Variants in DNMT3A observed in about 807,000 individuals in gnomAD.
DNMT3A encodes the protein DNA methyltransferase 3 alpha.
A neutral mutation model predicts 117.6 loss-of-function variants in DNMT3A; 267 were observed. That is an observed-to-expected ratio of 2.27 (90% CI 2.05 to 2.51). The LOEUF (loss-of-function observed/expected upper bound fraction) is 2.51, where lower values mean the gene tolerates loss of function less well. DNMT3A is among the 30% of genes most tolerant of loss of function. DNMT3A has a pLI of 0.00. For synonymous variants in DNMT3A, 432 were observed against 474.8 expected (o/e 0.91, Z 1.17); for missense variants, 1,029 against 1,260.2 (o/e 0.82, Z 2.78).
At chr2:25,244,093 A>G in intron 15 of DNMT3A, 62 bp downstream of exon 15, 1 of 1,609,688 alleles carries the variant, frequency 6.2e-7, no homozygotes, top group Non-Finnish European at 8.5e-7. Flanking sequence ...CGCACAGCTC[A>G]GGCCCCACAA....
chr2:25,279,847 C>T (rs948209861), intron 4 of DNMT3A, among the ~76,000 whole-genome samples: 2 of 151,966 alleles, frequency 1.3e-5, no homozygotes, highest in Admixed American at 6.6e-5. Flanking sequence ...CCACCAAGCT[C>T]GACTAATTTT....
chr2:25,289,166 G>A (rs1290201587), intron 3 of DNMT3A, among the ~76,000 whole-genome samples: 5 of 150,930 alleles, frequency 3.3e-5, no homozygotes, highest in Non-Finnish European at 5.9e-5. Flanking sequence ...GCAGTGGCGC[G>A]ATCTCGGCTC....
intron 19 of DNMT3A, chr2:25,239,493 G>C (rs1224826255): frequency 1.7e-6 from 1 of 590,780 alleles, no homozygotes; most frequent in African/African-American, 1.8e-5. Context: ...TAGCCCACTA[G>C]TACAGGTGGC....
intron 12 of DNMT3A, among the ~76,000 whole-genome samples, 172 bp from the exon 13 acceptor site, chr2:25,245,504 G>GC (rs1486570942): frequency 6.6e-6 from 1 of 152,222 alleles, no homozygotes; most frequent in African/African-American, 2.4e-5. Flanking sequence ...AGTCTCGAAC[G>GC]CCATCATCTC....
chr2:25,300,804 G>A lies in DNMT3A; in HGVS notation c.73-561C>T, dbSNP rs566271986. Among the ~76,000 whole-genome samples, 19 of 109,300 alleles carry A rather than the reference G, an allele frequency of 1.7e-4. No individual in the cohort carries two copies. The East Asian group carries it at 4.0e-3, about 23-fold the overall frequency. The allele number at this position is 109,300 out of a possible 152,430, so 71.7% of individuals were successfully genotyped here. On this transcript the variant is annotated intron_variant, in intron 2 of 22. Transcript: ENST00000321117. ...TCCTTTGGGGAACTTCAGGGCAGAC[G>A]CTGCTGTCCCCCCGGAAGGCATCTC...
intron 6 of DNMT3A, among the ~76,000 whole-genome samples, chr2:25,248,555 A>ATT (rs35815470): frequency 2.4e-4 from 35 of 148,258 alleles, no homozygotes; most frequent in African/African-American, 3.2e-4. Flanking sequence ...TTATTTATTT[A>ATT]TTTTTTTTTT....
At chr2:25,329,066 C>T (rs1471563817) in intron 1 of DNMT3A, among the ~76,000 whole-genome samples, 2 of 152,204 alleles carry the variant, frequency 1.3e-5, no homozygotes, top group African/African-American at 2.4e-5. Flanking sequence ...TCCCCCACCA[C>T]CCCAACCAAT....
At chr2:25,297,989 G>C (rs2033197406) in intron 3 of DNMT3A, among the ~76,000 whole-genome samples, 1 of 152,250 alleles carries the variant, frequency 6.6e-6, no homozygotes, top group South Asian at 2.1e-4. Context: ...TCAAACTACG[G>C]TTGCCGTGGC....
In DNMT3A at chr2:25,246,059, GC is replaced by G; in HGVS notation, c.1434del (p.Leu479TrpfsTer172). On this transcript the variant is annotated frameshift_variant, in exon 12 of 23. Transcript: ENST00000321117. LOFTEE classifies it high-confidence loss of function. ...CACTTCTGCCGCACCTCGTACACCA[GC>G]CGCTCTGCAAGGGGAGGAGAGCTGG... is the stretch of plus-strand genomic sequence containing the variant. The part of the protein sequence containing the change: ...KEIIDERTRE[R>X]LVYEVRQKCR... 1 of 1,614,178 alleles carries G rather than the reference GC, an allele frequency of 6.2e-7. No homozygotes were observed. Among genetic ancestry groups the G allele is most frequent in the Non-Finnish European group, 8.5e-7 (1 of 1,180,020 alleles).
At chr2:25,328,835 C>T (rs2034896395) in intron 1 of DNMT3A, 1 of 403,722 alleles carries the variant, frequency 2.5e-6, no homozygotes, top group African/African-American at 2.1e-5. Context: ...GGCTCACCTG[C>T]CCCAGATCCC....
upstream of DNMT3A, among the ~76,000 whole-genome samples, chr2:25,342,120 TGGCCCCGGCCCCGGCGCTGCGGAGCC>T (rs1332609594): frequency 7.3e-6 from 1 of 137,128 alleles, no homozygotes; most frequent in Non-Finnish European, 1.6e-5. The surrounding 1 kb of genome is among the most constrained non-coding windows in gnomAD (Gnocchi z 5.9). Flanking sequence ...GCGGCCGCGC[TGGCCCCGGCCCCGGCGCTGCGGAGCC>T]GGCCCGGGAG....
At chr2:25,318,210 T>C (rs925303544) in intron 1 of DNMT3A, among the ~76,000 whole-genome samples, 7 of 152,332 alleles carry the variant, frequency 4.6e-5, no homozygotes, top group African/African-American at 1.7e-4. Flanking sequence ...AAATGACTTA[T>C]TCAGGTCAGC....
intron 4 of DNMT3A, among the ~76,000 whole-genome samples, chr2:25,278,315 C>T (rs1469643035): frequency 6.6e-6 from 1 of 152,146 alleles, no homozygotes; most frequent in Non-Finnish European, 1.5e-5. Context: ...CCAGAGGCCA[C>T]CCAAGTTCTC....
Sources: allele counts gnomAD v4.1 joint callset (sites outside exome capture counted in the v4.1 genomes callset), GRCh38; gene constraint gnomAD v4.1.1; non-coding constraint Gnocchi (gnomAD v3.1); transcripts MANE v1.5; gene names NCBI Gene and HGNC (gene_info 2026-07-23, HGNC 2026-07-21).